Variants in DTD1 observed in about 807,000 individuals in gnomAD.
DTD1 encodes D-tyrosyl-tRNA deacylase 1 homolog.
DTD1 carries 13 observed loss-of-function variants against 25.6 expected under a neutral mutation model. The observed-to-expected ratio is 0.51, with a 90% CI of 0.33 to 0.81. DTD1 has a LOEUF of 0.81. DTD1 is among the 30% of genes least tolerant of loss of function. DTD1 has a pLI of 0.02. For synonymous variants in DTD1, 110 were observed against 103.6 expected (o/e 1.06, Z -0.37); for missense variants, 193 against 266.4 (o/e 0.72, Z 1.92).
At chr20:18,703,814 C>T (rs1169182778) in intron 4 of DTD1, among the ~76,000 whole-genome samples, 1 of 151,690 alleles carries the variant, frequency 6.6e-6, no homozygotes, top group Non-Finnish European at 1.5e-5. Flanking sequence ...ACTAACTGAA[C>T]TTTTAAAATA....
In DTD1 at chr20:18,631,041, T is replaced by G. The variant is rs916182952; in HGVS notation, c.477+2808T>G. The G allele has an allele frequency of 4.1e-6, 4 of 985,058 alleles. No individual in the cohort carries two copies. In the African/African-American group the frequency reaches 7.0e-5, roughly 17 times the overall value. 61.0% of individuals were successfully genotyped at this position (985,058 alleles called of 1,614,324 possible). A position where few individuals can be genotyped will look rare whatever the true frequency, so the allele number is the denominator to read the frequency against. On this transcript the variant is annotated intron_variant, in intron 4 of 5. Coordinates refer to ENST00000377452, the MANE Select transcript of DTD1 (RefSeq NM_080820.6). ...CCAGATACCTCCATGTTAGATGAAG[T>G]GCTAACCTCTTTCCCCTTGTCTGTC...
At chr20:18,627,207 T>C (rs1002581769) in intron 3 of DTD1, among the ~76,000 whole-genome samples, 2 of 124,666 alleles carry the variant, frequency 1.6e-5, no homozygotes, top group Non-Finnish European at 3.6e-5. Context: ...TCTGTTGGCA[T>C]GCCCATTTTG....
At chr20:18,762,649 T>C (rs1248459328) in intron 5 of DTD1, among the ~76,000 whole-genome samples, 1 of 152,254 alleles carries the variant, frequency 6.6e-6, no homozygotes, top group East Asian at 1.9e-4. Context: ...TTGCTTGTGA[T>C]ATATTCCTTT....
chr20:18,599,589 G>C (rs905948160), intron 3 of DTD1, among the ~76,000 whole-genome samples: 3 of 152,214 alleles, frequency 2.0e-5, no homozygotes, highest in African/African-American at 7.2e-5. Context: ...TTGTTAAGAA[G>C]CTGCCAAACT....
Position 18,765,887 on chromosome 20 carries a change from T to C in DTD1, c.*2547T>C, listed in dbSNP as rs925601643. On this transcript the variant is annotated 3_prime_UTR_variant, in exon 6 of 6. Transcript: ENST00000377452. ...AGGATGGGAGAGGAGAATCGTACCA[T>C]GTATGGCTTTTCTGAGAAGCCTTGG... 39 of 152,354 alleles carry C rather than the reference T, an allele frequency of 2.6e-4. No homozygotes were observed. Among genetic ancestry groups the C allele is most frequent in the African/African-American group, 7.7e-4 (32 of 41,580 alleles). The allele number at this position is 152,354 out of a possible 1,614,324, so 9.4% of individuals were successfully genotyped here. A position where few individuals can be genotyped will look rare whatever the true frequency, so the allele number is the denominator to read the frequency against.
chr20:18,713,348 C>T (rs1166816277), intron 4 of DTD1, among the ~76,000 whole-genome samples: 1 of 152,192 alleles, frequency 6.6e-6, no homozygotes, highest in Non-Finnish European at 1.5e-5. Flanking sequence ...TCAGAAATGT[C>T]CTCTTGTTAA....
In DTD1 at chr20:18,616,756, A is replaced by G. The variant is rs772670858; in HGVS notation, c.371-11371A>G. On this transcript the variant is annotated intron_variant, in intron 3 of 5. Transcript: ENST00000377452. ...CAGGAGTTCAAGGCAGCAGCAAGCT[A>G]TGATCACACCACTGCACTCTAGCCC... Among the ~76,000 whole-genome samples, 226 of 152,224 alleles carry G rather than the reference A, an allele frequency of 1.5e-3. 1 individual carries two copies. Among genetic ancestry groups the G allele is most frequent in the Non-Finnish European group, 1.6e-3 (106 of 68,044 alleles).
intron 4 of DTD1, among the ~76,000 whole-genome samples, chr20:18,741,843 C>T (rs549571197): frequency 6.6e-6 from 1 of 151,786 alleles, no homozygotes; most frequent in South Asian, 2.1e-4. Flanking sequence ...CCGTCTCAGC[C>T]TCCCCAGTAG....
intron 4 of DTD1, among the ~76,000 whole-genome samples, chr20:18,641,601 C>T (rs181243879): frequency 2.6e-5 from 4 of 152,158 alleles, no homozygotes; most frequent in East Asian, 1.9e-4. Flanking sequence ...TTTTGATTTA[C>T]GTTTCTCTAA....
rs575805853 is a variant in DTD1 at position 18,660,554 on chromosome 20, C to G, written c.477+32321C>G. The stretch of plus-strand genomic sequence containing the variant: ...AAGCTTTTATTTAGCAAAGCAGAAA[C>G]TGAAAGAAAAAGGAAGAAAGAAAAC... On this transcript the variant is annotated intron_variant, in intron 4 of 5. Transcript: ENST00000377452. 2.6e-5 allele frequency among the ~76,000 whole-genome samples: 4 copies of G among 151,402 alleles called. No homozygotes were observed. In the East Asian group the frequency reaches 7.8e-4, roughly 30 times the overall value.
At chr20:18,624,612 G>T (rs73266508) in intron 3 of DTD1, among the ~76,000 whole-genome samples, 3,917 of 152,106 alleles carry the variant, frequency 0.026, 179 homozygotes, top group African/African-American at 0.09. Flanking sequence ...AGGTCCTTTG[G>T]GGGGACTCAA....
Position 18,744,282 on chromosome 20 carries a change from C to G in DTD1, c.*19+11C>G. ...GGAGGCAGAATTCAGGTAGGAGTTT[C>G]CCTGCTTGGCTTCATCTTCCCACAT... On this transcript the variant is annotated intron_variant, in intron 5 of 5. Transcript: ENST00000377452. 6.2e-7 allele frequency: 1 copy of G among 1,608,128 alleles called. No homozygotes were observed. Among genetic ancestry groups the G allele is most frequent in the South Asian group, 1.1e-5 (1 of 90,258 alleles).
At chr20:18,669,780 A>C (rs1317878841) in intron 4 of DTD1, among the ~76,000 whole-genome samples, 1 of 152,148 alleles carries the variant, frequency 6.6e-6, no homozygotes, top group African/African-American at 2.4e-5. Context: ...CTGCATGCCA[A>C]GGGTTTCTGT....
chr20:18,744,261 G>T lies in DTD1; in HGVS notation c.*9G>T. 6.2e-7 allele frequency: 1 copy of T among 1,611,080 alleles called. No individual in the cohort carries two copies. Among genetic ancestry groups the T allele is most frequent in the East Asian group, 2.2e-5 (1 of 44,866 alleles). On this transcript the variant is annotated 3_prime_UTR_variant, in exon 5 of 6. Transcript: ENST00000377452. ...CTGAACGGGAGCCGTAGCTCAGGAGGCAGAATTCAGGTAGGAGTTTCCCTG... is the reference window on the plus strand; with the variant it reads ...CTGAACGGGAGCCGTAGCTCAGGAGTCAGAATTCAGGTAGGAGTTTCCCTG...
chr20:18,703,065 A>G (rs1009917590), intron 4 of DTD1, among the ~76,000 whole-genome samples: 1 of 152,172 alleles, frequency 6.6e-6, no homozygotes, highest in African/African-American at 2.4e-5. Flanking sequence ...TCTATTTTCA[A>G]TAATTTTTTT....
chr20:18,651,153 T>G (rs889304923), intron 4 of DTD1, among the ~76,000 whole-genome samples: 2 of 152,168 alleles, frequency 1.3e-5, no homozygotes, highest in East Asian at 1.9e-4. Flanking sequence ...TGTTTGTTTG[T>G]TTGGTTTGTT....
intron 4 of DTD1, among the ~76,000 whole-genome samples, chr20:18,649,294 A>G (rs1600343295): frequency 8.0e-6 from 1 of 124,418 alleles, no homozygotes; most frequent in Non-Finnish European, 1.6e-5. Context: ...AGCGAGAAAG[A>G]CTCTGATGGG....
intron 3 of DTD1, among the ~76,000 whole-genome samples, chr20:18,622,029 A>G (rs889621663): frequency 3.3e-5 from 5 of 151,474 alleles, no homozygotes; most frequent in Non-Finnish European, 5.9e-5. Flanking sequence ...GTGCCACTGC[A>G]CTCCAGCCTG....
chr20:18,655,586 C>T (rs1041494193), intron 4 of DTD1, among the ~76,000 whole-genome samples: 2 of 152,114 alleles, frequency 1.3e-5, no homozygotes, highest in Admixed American at 6.5e-5. Context: ...AGTGCATGGG[C>T]GTCCCTGTGA....
Sources: allele counts gnomAD v4.1 joint callset (sites outside exome capture counted in the v4.1 genomes callset), GRCh38; gene constraint gnomAD v4.1.1; transcripts MANE v1.5; gene names NCBI Gene and HGNC (gene_info 2026-07-23, HGNC 2026-07-21).